Variants in MB21D2 observed in about 807,000 individuals in gnomAD.
The protein encoded by MB21D2 is nucleotidyltransferase MB21D2.
In MB21D2, 9 loss-of-function variants were observed where a neutral mutation model predicts 33.3. The observed-to-expected ratio is 0.27, with a 90% CI of 0.16 to 0.47. MB21D2 has a LOEUF of 0.47. MB21D2 is among the 20% of genes least tolerant of loss of function. The pLI is 0.99. For missense variants in MB21D2, 540 were observed against 624.6 expected, an observed-to-expected ratio of 0.86 and a Z score of 1.44; for synonymous variants, 241 against 236.3, an observed-to-expected ratio of 1.02 and a Z score of -0.18.
At position 192,799,698 on chromosome 3, in the gene MB21D2, A is replaced by AT. The variant is rs770603399; in HGVS notation, c.212-49dup. 2.6e-6 allele frequency: 4 copies of AT among 1,552,030 alleles called. No individual in the cohort carries two copies. The East Asian group carries it at 9.1e-5, about 35-fold the overall frequency. ...CAACACTATTACAGGAAACACAGAC[A>AT]TAAGAGTCTTATGCATGAAACAGAA... On this transcript the variant is annotated intron_variant, in intron 1 of 1. Transcript: ENST00000392452. The surrounding 1 kb of genome is among the most constrained non-coding windows in gnomAD (Gnocchi z 4.1).
Position 192,799,589 on chromosome 3 carries a change from T to C in MB21D2, c.273A>G (p.Gly91=). ...GGTCCACCACGCCTTCCCGGACACC[T>C]CCAGAGAGCAACAGGTATTCATTAG... ...PVANEYLLLS[G]GVREGVVDLD... The change falls in exon 2 of 2, where the codon GGA becomes GGG. Residue 91 remains glycine, a synonymous_variant. Coordinates refer to ENST00000392452, the MANE Select transcript of MB21D2 (RefSeq NM_178496.4). The surrounding 1 kb of genome is among the most constrained non-coding windows in gnomAD (Gnocchi z 4.1). 6.2e-7 allele frequency: 1 copy of C among 1,614,074 alleles called. No individual in the cohort carries two copies. Among genetic ancestry groups the C allele is most frequent in the South Asian group, 1.1e-5 (1 of 91,064 alleles).
intron 1 of MB21D2, among the ~76,000 whole-genome samples, chr3:192,904,617 G>A (rs1405268510): frequency 2.0e-5 from 3 of 152,170 alleles, no homozygotes; most frequent in African/African-American, 7.2e-5. Flanking sequence ...CCATTCCAGA[G>A]TTACAGAGTC....
intron 1 of MB21D2, among the ~76,000 whole-genome samples, chr3:192,900,549 A>C (rs765921695): frequency 7.6e-4 from 116 of 152,250 alleles, no homozygotes; most frequent in Admixed American, 2.8e-3. Flanking sequence ...TATTGATCAT[A>C]ATCTGTAAAG....
intron 1 of MB21D2, among the ~76,000 whole-genome samples, chr3:192,874,161 C>A (rs1713380066): frequency 6.6e-6 from 1 of 152,190 alleles, no homozygotes. Context: ...CTAGCAATTT[C>A]TCTCCATAGA....
intron 1 of MB21D2, among the ~76,000 whole-genome samples, chr3:192,824,167 T>C (rs73060268): frequency 0.012 from 1,886 of 152,302 alleles, 34 homozygotes; most frequent in African/African-American, 0.043. Flanking sequence ...CCGAAAGCTT[T>C]TTCTGAGGAC....
At chr3:192,846,457 C>T (rs749619091) in intron 1 of MB21D2, among the ~76,000 whole-genome samples, 1 of 152,044 alleles carries the variant, frequency 6.6e-6, no homozygotes, top group East Asian at 1.9e-4. Context: ...TTCTTCCTTG[C>T]TCCCCTGCCC....
intron 1 of MB21D2, among the ~76,000 whole-genome samples, chr3:192,851,580 C>T (rs575444547): frequency 5.3e-5 from 8 of 149,682 alleles, no homozygotes; most frequent in African/African-American, 1.5e-4. Context: ...CTGAAACCTC[C>T]GTCTCCCGGA....
chr3:192,809,102 T>TC (rs1423326499), intron 1 of MB21D2, among the ~76,000 whole-genome samples: 3 of 151,958 alleles, frequency 2.0e-5, no homozygotes, highest in Non-Finnish European at 4.4e-5. Context: ...GTGTCCCCCT[T>TC]CCCTTTTTTT....
chr3:192,895,765 CTG>C (rs1713957636), intron 1 of MB21D2, among the ~76,000 whole-genome samples: 1 of 152,082 alleles, frequency 6.6e-6, no homozygotes, highest in South Asian at 2.1e-4. Context: ...CCAGCTCTCA[CTG>C]TGTTGTCCCG....
At chr3:192,838,096 T>G (rs1442910803) in intron 1 of MB21D2, among the ~76,000 whole-genome samples, 1 of 152,328 alleles carries the variant, frequency 6.6e-6, no homozygotes, top group South Asian at 2.1e-4. Flanking sequence ...CTGCAGCCAT[T>G]TGAAGGCTTG....
At chr3:192,820,046 T>C (rs145879120) in intron 1 of MB21D2, among the ~76,000 whole-genome samples, 104 of 152,308 alleles carry the variant, frequency 6.8e-4, no homozygotes, top group African/African-American at 2.1e-3. Context: ...GTGGAATACA[T>C]GGTTTTTAAT....
intron 1 of MB21D2, among the ~76,000 whole-genome samples, chr3:192,813,764 A>T (rs1336247825): frequency 1.3e-5 from 2 of 152,194 alleles, no homozygotes; most frequent in African/African-American, 4.8e-5. Context: ...GGAAAGATAG[A>T]GGGATCATTT....
chr3:192,844,052 A>G (rs968488098), intron 1 of MB21D2, among the ~76,000 whole-genome samples: 13 of 152,164 alleles, frequency 8.5e-5, no homozygotes, highest in Admixed American at 5.2e-4. Flanking sequence ...ATTTCTGTCC[A>G]GGTTTTGATT....
intron 1 of MB21D2, among the ~76,000 whole-genome samples, chr3:192,860,594 T>C (rs954730667): frequency 6.6e-6 from 1 of 152,210 alleles, no homozygotes; most frequent in Non-Finnish European, 1.5e-5. Flanking sequence ...GGAGATAGTG[T>C]GGCTTCAGGA....
intron 1 of MB21D2, among the ~76,000 whole-genome samples, chr3:192,847,192 C>A (rs1712696680): frequency 6.6e-6 from 1 of 152,200 alleles, no homozygotes; most frequent in Admixed American, 6.5e-5. Context: ...GATTGGGTCT[C>A]AGAGACCCAA....
chr3:192,859,430 C>T (rs1318665375), intron 1 of MB21D2, among the ~76,000 whole-genome samples: 1 of 152,134 alleles, frequency 6.6e-6, no homozygotes, highest in East Asian at 1.9e-4. Flanking sequence ...AAGAAGACAG[C>T]ACTTTTGCTG....
At chr3:192,863,535 T>C (rs1162068374) in intron 1 of MB21D2, among the ~76,000 whole-genome samples, 7 of 152,184 alleles carry the variant, frequency 4.6e-5, no homozygotes, top group Non-Finnish European at 4.4e-5. Context: ...TTATTAAATA[T>C]TTACTGAGTA....
chr3:192,824,436 G>A (rs62293191), intron 1 of MB21D2, among the ~76,000 whole-genome samples: 3,442 of 152,028 alleles, frequency 0.023, 52 homozygotes, highest in Non-Finnish European at 0.034. Flanking sequence ...CTTTGAAGAA[G>A]AAAGGGATTC....
intron 1 of MB21D2, among the ~76,000 whole-genome samples, chr3:192,859,366 G>A (rs536546780): frequency 1.4e-4 from 21 of 151,324 alleles, no homozygotes; most frequent in Admixed American, 1.3e-3. Flanking sequence ...CCCCACCCCC[G>A]ACATGGTTGC....
Sources: gnomAD v4.1 joint callset for allele counts (sites outside exome capture counted in the v4.1 genomes callset) on GRCh38, gnomAD v4.1.1 for gene constraint, Gnocchi (gnomAD v3.1) non-coding constraint, MANE v1.5 for transcripts, NCBI Gene and HGNC (gene_info 2026-07-23, HGNC 2026-07-21) for gene names.